The following PPM1L variants were observed in gnomAD, a reference collection of about 807,000 sequenced individuals.
PPM1L encodes the protein protein phosphatase 1L.
In PPM1L, 13 loss-of-function variants were observed where a neutral mutation model predicts 31.4. The ratio of observed to expected loss-of-function variants is 0.41; its 90% CI spans 0.27 to 0.66. PPM1L has a LOEUF of 0.66. PPM1L is among the 30% of genes least tolerant of loss of function. PPM1L has a pLI of 0.29. For synonymous variants in PPM1L, 184 were observed against 175.4 expected, an observed-to-expected ratio of 1.05 and a Z score of -0.39; for missense variants, 326 against 453.7, an observed-to-expected ratio of 0.72 and a Z score of 2.56.
intron 1 of PPM1L, among the ~76,000 whole-genome samples, chr3:160,832,994 C>T (rs923251430): frequency 3.3e-5 from 5 of 152,122 alleles, no homozygotes; most frequent in African/African-American, 9.7e-5. Flanking sequence ...TGTTCAGCTC[C>T]CACTTATAAG....
intron 1 of PPM1L, among the ~76,000 whole-genome samples, chr3:160,770,234 AT>A (rs1200889612): frequency 6.6e-6 from 1 of 151,980 alleles, no homozygotes; most frequent in Non-Finnish European, 1.5e-5. Context: ...AGATAGTTGT[AT>A]TTTTTGTTTT....
chr3:160,968,232 A>G (rs1333778629), intron 2 of PPM1L, among the ~76,000 whole-genome samples: 1 of 152,224 alleles, frequency 6.6e-6, no homozygotes, highest in Non-Finnish European at 1.5e-5. Context: ...TTATTGTATT[A>G]GCATGTATTA....
At chr3:161,022,472 A>G (rs1478950612) in intron 2 of PPM1L, 1 of 240,378 alleles carries the variant, frequency 4.2e-6, no homozygotes, top group Non-Finnish European at 7.9e-6. Flanking sequence ...ATACATTTCT[A>G]TTGTCTATTA....
intron 1 of PPM1L, among the ~76,000 whole-genome samples, chr3:160,947,615 C>T (rs561684061): frequency 6.6e-6 from 1 of 152,210 alleles, no homozygotes; most frequent in South Asian, 2.1e-4. Context: ...ACCATAAGCA[C>T]CATGAGAGCA....
intron 2 of PPM1L, among the ~76,000 whole-genome samples, chr3:161,013,356 A>G (rs1717960392): frequency 6.6e-6 from 1 of 152,166 alleles, no homozygotes; most frequent in Admixed American, 6.5e-5. Context: ...CTTAATCCTG[A>G]GTTGTAGTTT....
At position 160,837,756 on chromosome 3, in the gene PPM1L, A is replaced by G. The variant is rs148027859; in HGVS notation, c.399+81049A>G. 5.3e-5 allele frequency among the ~76,000 whole-genome samples: 8 copies of G among 152,324 alleles called. No individual in the cohort carries two copies. In the East Asian group the frequency reaches 1.4e-3, roughly 26 times the overall value. On this transcript the variant is annotated intron_variant, in intron 1 of 3. Coordinates refer to ENST00000498165, the MANE Select transcript of PPM1L (RefSeq NM_139245.4). ...CACAGACAAAAGGAAACAGGAAAGC[A>G]TGTTTAAGAGTAAGAGAAGGGTAGG...
At chr3:160,786,136 T>A (rs902377550) in intron 1 of PPM1L, among the ~76,000 whole-genome samples, 158 of 90,770 alleles carry the variant, frequency 1.7e-3, no homozygotes, top group African/African-American at 0.011. Flanking sequence ...TTTCTCTCTC[T>A]CTCTCTCTCT....
chr3:160,798,160 A>C (rs1397181364), intron 1 of PPM1L, among the ~76,000 whole-genome samples: 8 of 152,006 alleles, frequency 5.3e-5, no homozygotes, highest in Non-Finnish European at 1.0e-4. Context: ...CCTGGACGAC[A>C]GAGCAAGACT....
chr3:160,934,681 A>C (rs1388373882), intron 1 of PPM1L, among the ~76,000 whole-genome samples: 3 of 152,112 alleles, frequency 2.0e-5, no homozygotes, highest in Non-Finnish European at 4.4e-5. Context: ...GGCCGGGTGC[A>C]GTGGCTCACA....
At chr3:160,931,763 G>A (rs181124134) in intron 1 of PPM1L, among the ~76,000 whole-genome samples, 1 of 152,188 alleles carries the variant, frequency 6.6e-6, no homozygotes, top group Non-Finnish European at 1.5e-5. Flanking sequence ...TATTTTCCAG[G>A]GTTTTGATGC....
At chr3:160,993,075 GT>G (rs550011821) in intron 2 of PPM1L, among the ~76,000 whole-genome samples, 6,753 of 145,202 alleles carry the variant, frequency 0.047, 432 homozygotes, top group African/African-American at 0.14. Context: ...TTACAACAAG[GT>G]TTTTTTTTTT....
chr3:160,784,772 AT>A (rs1711854335), intron 1 of PPM1L, among the ~76,000 whole-genome samples: 1 of 152,214 alleles, frequency 6.6e-6, no homozygotes, highest in Non-Finnish European at 1.5e-5. Flanking sequence ...TAAGCACTGA[AT>A]TTTGTATCAA....
chr3:160,919,773 C>T (rs186221994), intron 1 of PPM1L, among the ~76,000 whole-genome samples: 95 of 152,194 alleles, frequency 6.2e-4, no homozygotes, highest in Admixed American at 1.7e-3. Context: ...TGTCATATAC[C>T]TGCTTATTTC....
intron 2 of PPM1L, among the ~76,000 whole-genome samples, chr3:161,040,204 T>C (rs1253859751): frequency 1.3e-5 from 2 of 152,210 alleles, no homozygotes; most frequent in Non-Finnish European, 2.9e-5. Context: ...CCCCTTTGCT[T>C]TCTTCTTTGA....
chr3:160,979,117 A>G (rs956308065), intron 2 of PPM1L, among the ~76,000 whole-genome samples: 2 of 152,084 alleles, frequency 1.3e-5, no homozygotes, highest in Non-Finnish European at 2.9e-5. Flanking sequence ...AACCTAAATA[A>G]TTTATCTTCA....
chr3:160,874,728 G>T (rs532606363), intron 1 of PPM1L, among the ~76,000 whole-genome samples: 1 of 152,328 alleles, frequency 6.6e-6, no homozygotes, highest in East Asian at 1.9e-4. Context: ...GCCCTAAAAG[G>T]TGATACAACC....
At chr3:160,759,578 T>A (rs1310441595) in intron 1 of PPM1L, among the ~76,000 whole-genome samples, 2 of 152,188 alleles carry the variant, frequency 1.3e-5, no homozygotes, top group Non-Finnish European at 2.9e-5. Context: ...GCCCTGGGGA[T>A]ACAAGGGTGA....
chr3:160,986,861 C>G (rs1175805312), intron 2 of PPM1L, among the ~76,000 whole-genome samples: 1 of 152,130 alleles, frequency 6.6e-6, no homozygotes, highest in Non-Finnish European at 1.5e-5. Context: ...ATCAAAGTTT[C>G]TTACATATTC....
At chr3:160,828,160 G>A (rs567729090) in intron 1 of PPM1L, among the ~76,000 whole-genome samples, 12 of 152,040 alleles carry the variant, frequency 7.9e-5, no homozygotes, top group Non-Finnish European at 1.6e-4. Flanking sequence ...AGTCATCCAA[G>A]CTCTCAGTAG....
Sources: gnomAD v4.1 joint callset for allele counts (sites outside exome capture counted in the v4.1 genomes callset) on GRCh38, gnomAD v4.1.1 for gene constraint, MANE v1.5 for transcripts, NCBI Gene and HGNC (gene_info 2026-07-23, HGNC 2026-07-21) for gene names.